QTMAN: variants seen among roughly 807,000 people sequenced by gnomAD.
QTMAN encodes tRNA-queuosine alpha-mannosyltransferase.
the QTMAN span, among the ~76,000 whole-genome samples, chr2:144,098,254 T>C: frequency 6.6e-6 from 1 of 152,214 alleles, no homozygotes; most frequent in Non-Finnish European, 1.5e-5. Flanking sequence ...AGTAATTACA[T>C]AAGCCACACC....
the QTMAN span, among the ~76,000 whole-genome samples, chr2:144,002,591 T>C: frequency 6.6e-6 from 1 of 152,030 alleles, no homozygotes; most frequent in Non-Finnish European, 1.5e-5. Flanking sequence ...AATGGTGATA[T>C]TAACAAATAT....
At chr2:144,258,653 C>T in the QTMAN span, among the ~76,000 whole-genome samples, 5 of 152,106 alleles carry the variant, frequency 3.3e-5, no homozygotes, top group Admixed American at 6.6e-5. Flanking sequence ...CATCCATAAG[C>T]TCTTCTTAAG....
At chr2:143,988,269 G>A in the QTMAN span, among the ~76,000 whole-genome samples, 6 of 152,212 alleles carry the variant, frequency 3.9e-5, no homozygotes, top group Non-Finnish European at 8.8e-5. Context: ...ATGCTGAGGA[G>A]TCCCTGCAGT....
chr2:143,994,813 G>GA, the QTMAN span, among the ~76,000 whole-genome samples: 5 of 152,146 alleles, frequency 3.3e-5, no homozygotes, highest in East Asian at 7.7e-4. Flanking sequence ...TGGACTGTGG[G>GA]ATAGTTGTGC....
At chr2:144,231,231 T>C in the QTMAN span, among the ~76,000 whole-genome samples, 3 of 152,142 alleles carry the variant, frequency 2.0e-5, no homozygotes, top group South Asian at 2.1e-4. Flanking sequence ...AAAATCACTA[T>C]TTGTTATTAC....
At chr2:144,269,995 G>T in the QTMAN span, among the ~76,000 whole-genome samples, 2 of 151,934 alleles carry the variant, frequency 1.3e-5, no homozygotes, top group African/African-American at 4.8e-5. Flanking sequence ...GTTTAGATGG[G>T]TTATTTTAAT....
chr2:144,231,979 A>C, the QTMAN span, among the ~76,000 whole-genome samples: 1 of 151,798 alleles, frequency 6.6e-6, no homozygotes. Context: ...CAAGTGAAAA[A>C]AGTTTCGCTG....
the QTMAN span, among the ~76,000 whole-genome samples, chr2:144,122,060 CAAT>C: frequency 1.3e-5 from 2 of 151,804 alleles, no homozygotes; most frequent in Non-Finnish European, 2.9e-5. Context: ...TTTTTAATTA[CAAT>C]AATAATGAAA....
the QTMAN span, among the ~76,000 whole-genome samples, chr2:144,226,210 C>T: frequency 2.6e-5 from 4 of 152,100 alleles, no homozygotes; most frequent in Non-Finnish European, 5.9e-5. Context: ...GCATGAAATA[C>T]AGAGGAATGG....
chr2:144,123,209 C>T, the QTMAN span, among the ~76,000 whole-genome samples: 1 of 152,088 alleles, frequency 6.6e-6, no homozygotes, highest in Non-Finnish European at 1.5e-5. Context: ...AGCTACTCAC[C>T]ATACCATACT....
At chr2:143,963,482 T>A in the QTMAN span, among the ~76,000 whole-genome samples, 1 of 149,740 alleles carries the variant, frequency 6.7e-6, no homozygotes, top group Admixed American at 6.7e-5. Flanking sequence ...TCTGCCTAGT[T>A]TTTTTTTTTT....
chr2:144,177,328 G>C, the QTMAN span: 1 of 602,056 alleles, frequency 1.7e-6, no homozygotes, highest in Non-Finnish European at 2.9e-6. Context: ...CGAAGACTAT[G>C]AAAAACAATA....
chr2:144,002,151 C>T, the QTMAN span, among the ~76,000 whole-genome samples: 1 of 151,950 alleles, frequency 6.6e-6, no homozygotes, highest in African/African-American at 2.4e-5. Context: ...GTCTGTTTTA[C>T]TTAAGCATGT....
the QTMAN span, among the ~76,000 whole-genome samples, chr2:144,287,132 G>A: frequency 2.6e-5 from 4 of 152,164 alleles, no homozygotes; most frequent in Non-Finnish European, 5.9e-5. Context: ...GTTGACTGCA[G>A]AGATTAATGA....
the QTMAN span, among the ~76,000 whole-genome samples, chr2:144,296,251 GTC>G: frequency 1.3e-5 from 2 of 152,120 alleles, no homozygotes; most frequent in African/African-American, 4.8e-5. Context: ...TGAGTAAACT[GTC>G]TCTCTTACAA....
the QTMAN span, among the ~76,000 whole-genome samples, chr2:144,116,471 G>A: frequency 4.6e-5 from 7 of 152,058 alleles, no homozygotes; most frequent in Non-Finnish European, 1.0e-4. Flanking sequence ...GTAAATTTAT[G>A]TAATCTGTGC....
At chr2:144,002,338 C>A in the QTMAN span, among the ~76,000 whole-genome samples, 1 of 151,918 alleles carries the variant, frequency 6.6e-6, no homozygotes, top group Non-Finnish European at 1.5e-5. Flanking sequence ...GTTGTCTTTT[C>A]ATGAAACAGT....
the QTMAN span, among the ~76,000 whole-genome samples, chr2:144,296,188 C>A: frequency 3.9e-5 from 6 of 152,038 alleles, no homozygotes; most frequent in African/African-American, 1.4e-4. Flanking sequence ...AAGGAAGATA[C>A]GAAAATGCCC....
At chr2:144,218,222 A>T in the QTMAN span, among the ~76,000 whole-genome samples, 2 of 152,226 alleles carry the variant, frequency 1.3e-5, no homozygotes, top group Admixed American at 1.3e-4. Flanking sequence ...TACAGATTGT[A>T]TTACCATGTA....
Sources: allele counts gnomAD v4.1 joint callset (sites outside exome capture counted in the v4.1 genomes callset), GRCh38; gene constraint gnomAD v4.1.1; transcripts MANE v1.5; gene names NCBI Gene and HGNC (gene_info 2026-07-23, HGNC 2026-07-21).